Variants in POU6F2 observed in about 807,000 individuals in gnomAD.
The protein encoded by POU6F2 is POU domain, class 6, transcription factor 2.
In POU6F2, 31 loss-of-function variants were observed where a neutral mutation model predicts 71.3. The ratio of observed to expected loss-of-function variants is 0.43; its 90% confidence interval spans 0.33 to 0.59. The LOEUF (loss-of-function observed/expected upper bound fraction) is 0.59. Ranked by LOEUF, POU6F2 falls within the 20% of genes least tolerant of loss-of-function variation. The probability of loss-of-function intolerance (pLI) is 0.04; values close to 1 mark genes in which losing one functional copy is unlikely to be tolerated. For synonymous variants in POU6F2, 347 were observed against 355.7 expected (o/e 0.98, Z 0.27); for missense variants, 783 against 856.8 (o/e 0.91, Z 1.07).
In POU6F2 at chr7:39,378,576, C is replaced by T. The variant is rs1434579536; in HGVS notation, c.973-28024C>T. ...TGACTCTGCCTCAAAGTCTATGCTC[C>T]GTCAATCTGTTGCTGTCACTGATTG... On this transcript the variant is annotated intron_variant, in intron 5 of 9. Coordinates refer to ENST00000518318, the MANE Select transcript of POU6F2 (RefSeq NM_001370959.1). Among the ~76,000 whole-genome samples the T allele has an allele frequency of 3.3e-5, 5 of 152,158 alleles. 1 individual carries two copies. The highest frequency in any genetic ancestry group is 1.2e-4 in the African/African-American group (5 of 41,454).
chr7:39,304,817 G>A (rs984285977), intron 4 of POU6F2, among the ~76,000 whole-genome samples: 1 of 152,210 alleles, frequency 6.6e-6, no homozygotes, highest in Non-Finnish European at 1.5e-5. Context: ...AGCTTAGGTA[G>A]TGGCTCCAAA....
In POU6F2 at chr7:39,343,723, C is replaced by T. The variant is rs1583539663; in HGVS notation, c.972+3708C>T. On this transcript the variant is annotated intron_variant, in intron 5 of 9. Transcript: ENST00000518318. The stretch of plus-strand genomic sequence containing the variant: ...GTTCTGACCCTGCCTCCAACTAACT[C>T]ATAACTTTGGATAGGTCACTTTAGC... 2.0e-5 allele frequency among the ~76,000 whole-genome samples: 3 copies of T among 152,140 alleles called. No homozygotes were observed. In the South Asian group the frequency reaches 6.2e-4, roughly 32 times the overall value.
chr7:39,450,790 T>C (rs3778933), intron 7 of POU6F2, among the ~76,000 whole-genome samples: 45,745 of 152,010 alleles, frequency 0.3, 7,333 homozygotes, highest in East Asian at 0.51. Flanking sequence ...ATCCTTTAGC[T>C]TCTCTGTGCC....
chr7:39,044,127 G>A (rs1363372226), intron 1 of POU6F2, among the ~76,000 whole-genome samples: 2 of 151,854 alleles, frequency 1.3e-5, no homozygotes, highest in East Asian at 1.9e-4. Flanking sequence ...GGATTCTTAC[G>A]CACAGGAGAG....
intron 4 of POU6F2, among the ~76,000 whole-genome samples, chr7:39,320,494 G>T (rs1472308525): frequency 2.6e-5 from 4 of 152,064 alleles, no homozygotes; most frequent in African/African-American, 9.7e-5. Flanking sequence ...TCTCAAAGGG[G>T]TTCATAATCC....
chr7:39,328,654 C>T (rs559392820), intron 4 of POU6F2, among the ~76,000 whole-genome samples: 11 of 152,118 alleles, frequency 7.2e-5, no homozygotes, highest in Non-Finnish European at 1.3e-4. Context: ...TGTCAAGGGG[C>T]GCTAATATTA....
intron 5 of POU6F2, among the ~76,000 whole-genome samples, chr7:39,343,979 G>A (rs1193640947): frequency 1.3e-5 from 2 of 152,172 alleles, no homozygotes; most frequent in Non-Finnish European, 2.9e-5. Flanking sequence ...GATAGCAGAA[G>A]CAGATTTTAT....
intron 6 of POU6F2, among the ~76,000 whole-genome samples, chr7:39,413,083 C>A (rs1201850113): frequency 1.3e-5 from 2 of 151,530 alleles, no homozygotes; most frequent in East Asian, 1.9e-4. Flanking sequence ...GGATTACAGG[C>A]GTGAGCCACC....
intron 5 of POU6F2, among the ~76,000 whole-genome samples, chr7:39,389,228 T>A (rs2115826591): frequency 6.6e-6 from 1 of 152,116 alleles, no homozygotes; most frequent in East Asian, 1.9e-4. Flanking sequence ...CTATATCATG[T>A]CTTGAATAAA....
chr7:39,449,101 G>A (rs545174611), intron 7 of POU6F2, among the ~76,000 whole-genome samples: 1 of 152,282 alleles, frequency 6.6e-6, no homozygotes, highest in African/African-American at 2.4e-5. Flanking sequence ...TCGCATAGCT[G>A]AGCAACAATA....
intron 4 of POU6F2, among the ~76,000 whole-genome samples, chr7:39,300,535 T>C (rs1784933203): frequency 6.6e-6 from 1 of 152,172 alleles, no homozygotes; most frequent in Admixed American, 6.5e-5. Flanking sequence ...TACCGCAGAC[T>C]GGGTGGCTAA....
chr7:39,058,410 CCAAT>C (rs1790579283), intron 1 of POU6F2, among the ~76,000 whole-genome samples: 1 of 152,170 alleles, frequency 6.6e-6, no homozygotes, highest in South Asian at 2.1e-4. Context: ...GAGGTATGAA[CCAAT>C]CAGTCTCCTG....
intron 4 of POU6F2, among the ~76,000 whole-genome samples, chr7:39,300,696 GT>G (rs1784935943): frequency 6.6e-6 from 1 of 152,036 alleles, no homozygotes; most frequent in Non-Finnish European, 1.5e-5. Flanking sequence ...TCCCTGAGAG[GT>G]CACATCACCT....
chr7:39,451,364 CAAA>C (rs10595595), intron 7 of POU6F2, among the ~76,000 whole-genome samples, 166 bp from the exon 8 acceptor site: 109 of 111,184 alleles, frequency 9.8e-4, no homozygotes, highest in East Asian at 4.9e-3. Context: ...ATGTGCTCTA[CAAA>C]AAAAAAAAAA....
intron 6 of POU6F2, 47 bp downstream of exon 6, chr7:39,406,787 C>G (rs1451812080): frequency 6.2e-7 from 1 of 1,603,522 alleles, no homozygotes; most frequent in Admixed American, 1.7e-5. Context: ...GCAGATTGAA[C>G]TCGGAAAGGA....
chr7:39,407,831 G>A (rs1238735110), intron 6 of POU6F2, among the ~76,000 whole-genome samples: 1 of 152,180 alleles, frequency 6.6e-6, no homozygotes, highest in African/African-American at 2.4e-5. Context: ...TTTCCTGGGC[G>A]GGTGTGGTAT....
chr7:39,202,257 G>C (rs963800444), intron 2 of POU6F2, among the ~76,000 whole-genome samples: 1 of 152,184 alleles, frequency 6.6e-6, no homozygotes, highest in African/African-American at 2.4e-5. Context: ...ATTAGAAACA[G>C]AGTCAAAAAG....
At chr7:39,011,883 C>A (rs1339056500) in intron 1 of POU6F2, among the ~76,000 whole-genome samples, 3 of 150,786 alleles carry the variant, frequency 2.0e-5, no homozygotes, top group Admixed American at 6.6e-5. Context: ...GGGTTTCTGC[C>A]GAGAGATCCG....
chr7:39,191,624 TA>T (rs1793666631), intron 2 of POU6F2, among the ~76,000 whole-genome samples: 1 of 152,190 alleles, frequency 6.6e-6, no homozygotes, highest in African/African-American at 2.4e-5. Flanking sequence ...AAAATAATGA[TA>T]AAAAATAATC....
Sources: allele counts gnomAD v4.1 joint callset (sites outside exome capture counted in the v4.1 genomes callset), GRCh38; gene constraint gnomAD v4.1.1; transcripts MANE v1.5; gene names NCBI Gene and HGNC (gene_info 2026-07-23, HGNC 2026-07-21).